DNAJC17: variants seen among roughly 807,000 people sequenced by gnomAD.
DNAJC17 encodes the protein DnaJ heat shock protein family (Hsp40) member C17.
In DNAJC17, 35 loss-of-function variants were observed where a neutral mutation model predicts 48.1. That is an observed-to-expected ratio of 0.73 (90% CI 0.56 to 0.96). The LOEUF (loss-of-function observed/expected upper bound fraction) is 0.96. Among genes scored for constraint, DNAJC17 ranks in the 50% least tolerant of loss-of-function variants. The probability of loss-of-function intolerance (pLI) is 0.00; values close to 1 mark genes in which losing one functional copy is unlikely to be tolerated. For synonymous variants in DNAJC17, 117 were observed against 142.7 expected, an observed-to-expected ratio of 0.82 and a Z score of 1.28; for missense variants, 355 against 377.1, an observed-to-expected ratio of 0.94 and a Z score of 0.48.
Position 40,767,734 on chromosome 15 carries a change from C to T in DNAJC17, c.*206G>A, listed in dbSNP as rs1022966033. 4.0e-5 allele frequency: 28 copies of T among 703,580 alleles called. No homozygotes were observed. Among genetic ancestry groups the T allele is most frequent in the Non-Finnish European group, 5.9e-5 (26 of 440,482 alleles). The allele number at this position is 703,580 out of a possible 1,614,324, so 43.6% of individuals were successfully genotyped here. ...GCTGCGCCTGTGCTCTGCTTGTGCA[C>T]GGACTCTGGGACTCTCACCCTGCGG... On this transcript the variant is annotated 3_prime_UTR_variant, in exon 11 of 11. Coordinates refer to ENST00000220496, the MANE Select transcript of DNAJC17 (RefSeq NM_018163.3).
In DNAJC17 at chr15:40,767,878, A is replaced by G. The variant is rs1888990065; in HGVS notation, c.*62T>C. 2 of 1,590,144 alleles carry G rather than the reference A, an allele frequency of 1.3e-6. No individual in the cohort carries two copies. The highest frequency in any genetic ancestry group is 2.2e-5 in the East Asian group (1 of 44,740). On this transcript the variant is annotated 3_prime_UTR_variant, in exon 11 of 11. Transcript: ENST00000220496. ...TGGGATAGAGGTAAAATCTTAAAAA[A>G]AAAAAAAATTTATTGGTGACGTTGA...
At chr15:40,779,767 G>T in intron 2 of DNAJC17, 161 bp downstream of exon 2, 9 of 1,085,448 alleles carry the variant, frequency 8.3e-6, no homozygotes, top group Non-Finnish European at 1.2e-5. Context: ...ATCAGCAACT[G>T]ACCAGACACC....
At chr15:40,799,097 C>T (rs575671046) in intron 1 of DNAJC17, among the ~76,000 whole-genome samples, 5 of 151,756 alleles carry the variant, frequency 3.3e-5, no homozygotes, top group Non-Finnish European at 5.9e-5. Context: ...TGGTGGCGGG[C>T]GCCTGTAGTC....
intron 7 of DNAJC17, 59 bp from the exon 8 acceptor site, chr15:40,775,167 C>A: frequency 6.4e-7 from 1 of 1,570,960 alleles, no homozygotes; most frequent in Non-Finnish European, 8.8e-7. Flanking sequence ...CACCCCACGA[C>A]TGAGCTTGAC....
chr15:40,797,717 CTTTTT>C (rs538219563), intron 1 of DNAJC17, among the ~76,000 whole-genome samples: 1 of 98,958 alleles, frequency 1.0e-5, no homozygotes, highest in African/African-American at 3.7e-5. Flanking sequence ...TGGCCGATCT[CTTTTT>C]TTTTTTTTTT....
intron 1 of DNAJC17, chr15:40,792,350 A>G (rs1889828811): frequency 3.2e-6 from 2 of 621,260 alleles, no homozygotes; most frequent in Admixed American, 1.3e-4. Flanking sequence ...AAATGTCAAT[A>G]TTAAGTTTCC....
intron 1 of DNAJC17, among the ~76,000 whole-genome samples, chr15:40,805,522 G>C (rs1399932166): frequency 1.3e-5 from 2 of 152,026 alleles, no homozygotes; most frequent in African/African-American, 2.4e-5. Flanking sequence ...ACTCCAGCCT[G>C]GGCGACAGAG....
intron 1 of DNAJC17, among the ~76,000 whole-genome samples, chr15:40,805,793 T>G (rs1316983387): frequency 6.6e-6 from 1 of 152,062 alleles, no homozygotes; most frequent in Non-Finnish European, 1.5e-5. Flanking sequence ...ATCGCGCCAC[T>G]GCACTCCAGC....
intron 7 of DNAJC17, 65 bp from the exon 8 acceptor site, chr15:40,775,173 T>C (rs1228472124): frequency 7.7e-6 from 12 of 1,552,490 alleles, no homozygotes; most frequent in East Asian, 6.7e-5. Context: ...ACGACTGAGC[T>C]TGACAGTCTG....
At chr15:40,791,450 C>A (rs933266922) in intron 1 of DNAJC17, among the ~76,000 whole-genome samples, 1 of 151,954 alleles carries the variant, frequency 6.6e-6, no homozygotes, top group Non-Finnish European at 1.5e-5. Context: ...ATTGCTTGAA[C>A]CTGGGAGGGG....
chr15:40,807,464 T>G lies in DNAJC17; in HGVS notation c.-18A>C, dbSNP rs193102973. 8.2e-5 allele frequency: 132 copies of G among 1,614,144 alleles called. 2 individuals carry two copies. In the Admixed American group the frequency reaches 1.6e-3, roughly 20 times the overall value. On this transcript the variant is annotated 5_prime_UTR_variant, in exon 1 of 11. Transcript: ENST00000220496. Reference sequence around the variant, plus strand: ...ACTGCCATGGTTCCGGCCTGACGGATTCGTACTACAACTCCCAAGAGTCTA... The same window carrying G: ...ACTGCCATGGTTCCGGCCTGACGGAGTCGTACTACAACTCCCAAGAGTCTA...
chr15:40,783,983 T>G (rs1044955708), intron 1 of DNAJC17, among the ~76,000 whole-genome samples: 2 of 151,124 alleles, frequency 1.3e-5, no homozygotes, highest in Non-Finnish European at 3.0e-5. Context: ...TCCCAGCATT[T>G]TGGGAGGCTG....
In DNAJC17 at chr15:40,767,216, C is replaced by A. The variant is rs768204211; in HGVS notation, c.*724G>T. The A allele has an allele frequency of 1.3e-6, 2 of 1,507,894 alleles. No individual in the cohort carries two copies. The highest frequency in any genetic ancestry group is 1.8e-6 in the Non-Finnish European group (2 of 1,126,056). The allele number at this position is 1,507,894 out of a possible 1,614,324, so 93.4% of individuals were successfully genotyped here. ...CCCCTCCTCACCCCCCCCATCCTGT[C>A]TCTTTGCAGTTATGAATACTACGTC... On this transcript the variant is annotated 3_prime_UTR_variant, in exon 11 of 11. Coordinates refer to ENST00000220496, the MANE Select transcript of DNAJC17 (RefSeq NM_018163.3).
At chr15:40,785,537 C>T (rs914909504) in intron 1 of DNAJC17, among the ~76,000 whole-genome samples, 25 of 152,190 alleles carry the variant, frequency 1.6e-4, no homozygotes, top group Non-Finnish European at 2.6e-4. Flanking sequence ...GAAAATGATC[C>T]GTGTAAGCAC....
chr15:40,798,603 G>A lies in DNAJC17; in HGVS notation c.78+8766C>T, dbSNP rs767706119. ...TCAGCAAAGGGGAGAGTGGTGGCAG[G>A]GAACGTGCAGGACAGGCAGTAAGGG... On this transcript the variant is annotated intron_variant, in intron 1 of 10. Coordinates refer to ENST00000220496, the MANE Select transcript of DNAJC17 (RefSeq NM_018163.3). Among the ~76,000 whole-genome samples the A allele has an allele frequency of 2.0e-5, 3 of 152,156 alleles. No individual in the cohort carries two copies. The East Asian group carries it at 5.8e-4, about 29-fold the overall frequency.
At chr15:40,778,971 C>G in intron 4 of DNAJC17, 1 of 488,654 alleles carries the variant, frequency 2.0e-6, no homozygotes, top group Non-Finnish European at 3.7e-6. Context: ...AGTACCCACA[C>G]TTCCTTGTAT....
At chr15:40,794,373 C>A (rs1889892702) in intron 1 of DNAJC17, among the ~76,000 whole-genome samples, 1 of 151,000 alleles carries the variant, frequency 6.6e-6, no homozygotes, top group African/African-American at 2.4e-5. Flanking sequence ...AAAACAAGAA[C>A]AAAACCTGTT....
intron 1 of DNAJC17, among the ~76,000 whole-genome samples, chr15:40,791,302 C>T (rs962557754): frequency 1.3e-5 from 2 of 152,082 alleles, no homozygotes; most frequent in Admixed American, 6.6e-5. Flanking sequence ...CCAAGGCAGG[C>T]GATCACCTGA....
At chr15:40,786,608 A>G (rs1275147614) in intron 1 of DNAJC17, among the ~76,000 whole-genome samples, 1 of 152,182 alleles carries the variant, frequency 6.6e-6, no homozygotes, top group Admixed American at 6.5e-5. Context: ...TTCTTTACCT[A>G]TAGGTTTCCC....
Sources: allele counts gnomAD v4.1 joint callset (sites outside exome capture counted in the v4.1 genomes callset), GRCh38; gene constraint gnomAD v4.1.1; transcripts MANE v1.5; gene names NCBI Gene and HGNC (gene_info 2026-07-23, HGNC 2026-07-21).